Variants in ERBB4 observed in about 807,000 individuals in gnomAD.
The protein encoded by ERBB4 is receptor tyrosine-protein kinase erbB-4.
ERBB4 carries 42 observed loss-of-function variants against 158.0 expected under a neutral mutation model. The ratio of observed to expected loss-of-function variants is 0.27; its 90% confidence interval spans 0.21 to 0.34. ERBB4 has a LOEUF of 0.34. ERBB4 is among the 10% of genes least tolerant of loss of function. ERBB4 has a pLI of 1.00. For synonymous variants in ERBB4, 583 were observed against 558.7 expected (o/e 1.04, Z -0.61); for missense variants, 1,333 against 1,624.1 (o/e 0.82, Z 3.08).
Position 211,637,565 on chromosome 2 carries a change from C to T in ERBB4, c.1947-6971G>A, listed in dbSNP as rs546541297. Among the ~76,000 whole-genome samples, 4 of 151,824 alleles carry T rather than the reference C, an allele frequency of 2.6e-5. No individual in the cohort carries two copies. The South Asian group carries it at 6.2e-4, about 24-fold the overall frequency. On this transcript the variant is annotated intron_variant, in intron 16 of 27. Transcript: ENST00000342788. ...ATCATTCCCTTTCATAGAGGTAAAC[C>T]AAAGGCTTTTTTGATCCTATATACT...
chr2:211,492,536 T>C (rs1365083278), intron 20 of ERBB4, among the ~76,000 whole-genome samples: 1 of 152,062 alleles, frequency 6.6e-6, no homozygotes. Context: ...TTAATGCCGA[T>C]GAAAAACCTG....
At chr2:212,221,328 T>A (rs1303298312) in intron 1 of ERBB4, among the ~76,000 whole-genome samples, 1 of 151,572 alleles carries the variant, frequency 6.6e-6, no homozygotes, top group Non-Finnish European at 1.5e-5. Context: ...TTGTATTTCT[T>A]TAGCAACAAG....
intron 3 of ERBB4, among the ~76,000 whole-genome samples, chr2:211,928,331 C>A (rs966362013): frequency 2.0e-5 from 3 of 151,844 alleles, no homozygotes; most frequent in Admixed American, 6.6e-5. Context: ...AGGCATCAAC[C>A]CACCCCCGTA....
intron 15 of ERBB4, among the ~76,000 whole-genome samples, chr2:211,662,218 T>C (rs923149892): frequency 2.6e-5 from 4 of 152,030 alleles, no homozygotes; most frequent in African/African-American, 9.7e-5. Context: ...TTTGGTTTGA[T>C]ACAAAACCAA....
At chr2:211,851,679 T>C (rs572376964) in intron 3 of ERBB4, among the ~76,000 whole-genome samples, 105 of 152,112 alleles carry the variant, frequency 6.9e-4, no homozygotes, top group African/African-American at 2.5e-3. Flanking sequence ...GGATAATATT[T>C]ATATCCCATA....
intron 1 of ERBB4, among the ~76,000 whole-genome samples, chr2:212,257,230 T>A (rs953221677): frequency 6.6e-6 from 1 of 152,198 alleles, no homozygotes; most frequent in Non-Finnish European, 1.5e-5. Flanking sequence ...CAATTTTACT[T>A]ATAATTTGAC....
chr2:212,315,864 G>GT (rs1156585012), intron 1 of ERBB4, among the ~76,000 whole-genome samples: 1 of 151,526 alleles, frequency 6.6e-6, no homozygotes, highest in South Asian at 2.1e-4. Context: ...TTTTCTAAAA[G>GT]TAACAATTGA....
intron 1 of ERBB4, among the ~76,000 whole-genome samples, chr2:212,145,941 G>A (rs1171459489): frequency 6.6e-6 from 1 of 151,986 alleles, no homozygotes; most frequent in Non-Finnish European, 1.5e-5. Flanking sequence ...CGGACCCAGT[G>A]AACTTACACC....
At chr2:211,677,184 A>T (rs900542660) in intron 13 of ERBB4, among the ~76,000 whole-genome samples, 6 of 152,196 alleles carry the variant, frequency 3.9e-5, no homozygotes, top group Non-Finnish European at 5.9e-5. Flanking sequence ...GCAAAATTCC[A>T]ATGTTATTTA....
chr2:212,030,342 A>G (rs1279671519), intron 2 of ERBB4, among the ~76,000 whole-genome samples: 2 of 152,052 alleles, frequency 1.3e-5, no homozygotes, highest in African/African-American at 2.4e-5. Flanking sequence ...TCCCCTATCC[A>G]GTCTCTCCTT....
chr2:211,465,759 C>G (rs554858176), intron 20 of ERBB4, among the ~76,000 whole-genome samples: 1 of 152,142 alleles, frequency 6.6e-6, no homozygotes, highest in African/African-American at 2.4e-5. Flanking sequence ...CAACCCACTA[C>G]GAGAAAATTC....
intron 3 of ERBB4, among the ~76,000 whole-genome samples, chr2:211,820,711 T>C (rs2076977358): frequency 6.6e-6 from 1 of 151,716 alleles, no homozygotes; most frequent in Non-Finnish European, 1.5e-5. Flanking sequence ...AAACCAAATC[T>C]AACAACACAC....
intron 1 of ERBB4, among the ~76,000 whole-genome samples, chr2:212,319,919 A>G (rs2087480201): frequency 6.7e-6 from 1 of 150,302 alleles, no homozygotes; most frequent in African/African-American, 2.4e-5. Flanking sequence ...CAAGAACACA[A>G]TATACTCTCA....
intron 2 of ERBB4, among the ~76,000 whole-genome samples, chr2:211,956,333 T>C (rs962844667): frequency 4.6e-5 from 7 of 152,094 alleles, no homozygotes; most frequent in Admixed American, 6.6e-5. Context: ...TAAAAAGAAA[T>C]TATTAGTTTT....
chr2:211,701,842 C>T (rs1443486241), intron 12 of ERBB4, 125 bp downstream of exon 12: 5 of 664,028 alleles, frequency 7.5e-6, no homozygotes, highest in African/African-American at 3.7e-5. Context: ...AACTACCTTC[C>T]TTTTTAAGGG....
intron 1 of ERBB4, among the ~76,000 whole-genome samples, chr2:212,493,992 T>C (rs1299887620): frequency 6.6e-6 from 1 of 151,834 alleles, no homozygotes; most frequent in East Asian, 1.9e-4. Context: ...TATTAAGAAT[T>C]CTTACCTCTA....
At chr2:211,529,033 G>T (rs2066424550) in intron 20 of ERBB4, among the ~76,000 whole-genome samples, 1 of 148,096 alleles carries the variant, frequency 6.8e-6, no homozygotes, top group African/African-American at 2.5e-5. Flanking sequence ...ATTGAAACAA[G>T]AAAACAAAAG....
intron 1 of ERBB4, among the ~76,000 whole-genome samples, chr2:212,140,820 C>A (rs1371166687): frequency 6.7e-6 from 1 of 150,086 alleles, no homozygotes; most frequent in Non-Finnish European, 1.5e-5. Flanking sequence ...AAACCAATTT[C>A]CCACCTGAAT....
At chr2:212,053,937 A>G (rs1159770785) in intron 2 of ERBB4, among the ~76,000 whole-genome samples, 2 of 152,214 alleles carry the variant, frequency 1.3e-5, no homozygotes, top group Admixed American at 6.5e-5. Context: ...AAAATTGTTT[A>G]TTAAAAGTCA....
Sources: gnomAD v4.1 joint callset for allele counts (sites outside exome capture counted in the v4.1 genomes callset) on GRCh38, gnomAD v4.1.1 for gene constraint, MANE v1.5 for transcripts, NCBI Gene and HGNC (gene_info 2026-07-23, HGNC 2026-07-21) for gene names.